Variants in MMP16 observed in about 807,000 individuals in gnomAD.
MMP16 encodes the protein matrix metalloproteinase-16.
Under a neutral mutation model 67.8 loss-of-function variants are expected in MMP16, and 12 were observed. That is an observed-to-expected ratio of 0.18 (90% confidence interval 0.11 to 0.29). MMP16 has a LOEUF of 0.29. Among genes scored for constraint, MMP16 ranks in the 10% least tolerant of loss-of-function variants. The probability of loss-of-function intolerance (pLI) is 1.00; values close to 1 mark genes in which losing one functional copy is unlikely to be tolerated. For synonymous variants in MMP16, 249 were observed against 255.9 expected (o/e 0.97, Z 0.26); for missense variants, 475 against 765.7 (o/e 0.62, Z 4.48).
rs1158543097 is a variant in MMP16 at position 88,034,681 on chromosome 8, A to C, written c.*6780T>G. The C allele has an allele frequency of 1.3e-5, 2 of 152,016 alleles. No individual in the cohort carries two copies. The highest frequency in any genetic ancestry group is 1.3e-4 in the Admixed American group (2 of 15,216). The allele number at this position is 152,016 out of a possible 1,614,324, so 9.4% of individuals were successfully genotyped here. The stretch of plus-strand genomic sequence containing the variant: ...AAAATCATTCATTCAAGCAAAGTAT[A>C]TTTTATCTTAACAATTGGATTGTTA... On this transcript the variant is annotated 3_prime_UTR_variant, in exon 10 of 10. Coordinates refer to ENST00000286614, the MANE Select transcript of MMP16 (RefSeq NM_005941.5).
rs557315322 is a variant in MMP16, at chr8:88,037,371, CA to C, written c.*4089del. 4 of 151,296 alleles carry C rather than the reference CA, an allele frequency of 2.6e-5. No homozygotes were observed. The highest frequency in any genetic ancestry group is 9.7e-5 in the African/African-American group (4 of 41,220). 9.4% of individuals were successfully genotyped at this position (151,296 alleles called of 1,614,324 possible). ...AAGGTAACACTTGCTTATGTGTTAA[CA>C]AAAAAAGATTATAGGTAATTATTAA... On this transcript the variant is annotated 3_prime_UTR_variant, in exon 10 of 10. Coordinates refer to ENST00000286614, the MANE Select transcript of MMP16 (RefSeq NM_005941.5).
chr8:88,181,871 T>C (rs1808986307), intron 3 of MMP16, among the ~76,000 whole-genome samples: 1 of 151,906 alleles, frequency 6.6e-6, no homozygotes, highest in Admixed American at 6.6e-5. Flanking sequence ...TCACCACAAA[T>C]AGAGTCAACT....
At chr8:88,307,227 C>T (rs1309498214) in intron 1 of MMP16, among the ~76,000 whole-genome samples, 1 of 152,148 alleles carries the variant, frequency 6.6e-6, no homozygotes, top group East Asian at 1.9e-4. Context: ...CTCTGAACTA[C>T]ATTAGCAATT....
At position 88,035,040 on chromosome 8, in the gene MMP16, G is replaced by A. The variant is rs1808036607; in HGVS notation, c.*6421C>T. On this transcript the variant is annotated 3_prime_UTR_variant, in exon 10 of 10. Transcript: ENST00000286614. This position sits in a 1 kb window ranked among gnomAD's most constrained non-coding sequence, Gnocchi z 4.7. ...CTACAGAAATGTCTGTATTGTGACT[G>A]ATATTTTTTTCATGTATAAAAACAA... 6.6e-6 allele frequency: 1 copy of A among 151,930 alleles called. No individual in the cohort carries two copies. The highest frequency in any genetic ancestry group is 2.1e-4 in the South Asian group (1 of 4,830). 9.4% of individuals were successfully genotyped at this position (151,930 alleles called of 1,614,324 possible). A position where few individuals can be genotyped will look rare whatever the true frequency, so the allele number is the denominator to read the frequency against.
At chr8:88,080,715 C>T (rs1454340646) in intron 6 of MMP16, among the ~76,000 whole-genome samples, 3 of 152,066 alleles carry the variant, frequency 2.0e-5, no homozygotes, top group African/African-American at 4.8e-5. Flanking sequence ...GGATTATAGG[C>T]GTGAGCCACC....
intron 4 of MMP16, among the ~76,000 whole-genome samples, chr8:88,135,880 G>T (rs1012784509): frequency 3.3e-5 from 5 of 151,614 alleles, no homozygotes; most frequent in African/African-American, 1.2e-4. Flanking sequence ...TTTGGGTTTG[G>T]AACTCTCGAA....
chr8:88,059,330 T>C (rs1808368074), intron 7 of MMP16, among the ~76,000 whole-genome samples: 2 of 151,936 alleles, frequency 1.3e-5, no homozygotes, highest in African/African-American at 4.8e-5. Flanking sequence ...AGAGGCAGTG[T>C]TAAAGACAAA....
At chr8:88,237,642 C>A (rs1427977075) in intron 1 of MMP16, among the ~76,000 whole-genome samples, 8 of 147,760 alleles carry the variant, frequency 5.4e-5, no homozygotes. Flanking sequence ...GAGTGAGACT[C>A]CGATTCAAAA....
chr8:88,247,134 A>G (rs1305029225), intron 1 of MMP16, among the ~76,000 whole-genome samples: 2 of 152,154 alleles, frequency 1.3e-5, no homozygotes, highest in Non-Finnish European at 2.9e-5. Flanking sequence ...CATTCAGGGT[A>G]GGGGCACGGT....
chr8:88,105,165 T>C (rs368877898), intron 6 of MMP16, among the ~76,000 whole-genome samples: 1 of 132,388 alleles, frequency 7.6e-6, no homozygotes, highest in Admixed American at 7.6e-5. Context: ...TTTTTTTTTT[T>C]ACCTTAGCTA....
chr8:88,302,483 C>T (rs1435994516), intron 1 of MMP16, among the ~76,000 whole-genome samples: 3 of 152,194 alleles, frequency 2.0e-5, no homozygotes, highest in African/African-American at 7.2e-5. Context: ...TCCTTCTCCA[C>T]TGACATTTCA....
intron 6 of MMP16, among the ~76,000 whole-genome samples, chr8:88,090,017 C>T (rs116287388): frequency 0.023 from 3,479 of 152,004 alleles, 128 homozygotes; most frequent in African/African-American, 0.079. Context: ...GTAATTTTCC[C>T]TGTATTCCTT....
rs142058209 is a variant in MMP16 at position 88,325,954 on chromosome 8, G to A, written c.132+1121C>T. Among the ~76,000 whole-genome samples the A allele has an allele frequency of 3.2e-3, 484 of 152,190 alleles. 1 individual carries two copies. The highest frequency in any genetic ancestry group is 5.3e-3 in the Non-Finnish European group (358 of 68,008). ...TCTGTGTATCAATTGGTTACATGAA[G>A]CATGTTCAAATACTGTGCAACAGGT... On this transcript the variant is annotated intron_variant, in intron 1 of 9. Coordinates refer to ENST00000286614, the MANE Select transcript of MMP16 (RefSeq NM_005941.5).
chr8:88,069,178 C>A, intron 7 of MMP16: 3 of 266,866 alleles, frequency 1.1e-5, no homozygotes, highest in Non-Finnish European at 1.5e-5. Context: ...TAATACTGAA[C>A]CCTCTGACCC....
intron 7 of MMP16, among the ~76,000 whole-genome samples, chr8:88,060,838 C>G (rs866207046): frequency 1.3e-5 from 2 of 151,860 alleles, no homozygotes; most frequent in African/African-American, 2.4e-5. Context: ...GTTACTGATG[C>G]AAAGAACCAT....
intron 1 of MMP16, among the ~76,000 whole-genome samples, chr8:88,226,876 GTATTTATT>G (rs33911567): frequency 0.016 from 2,339 of 148,324 alleles, 26 homozygotes; most frequent in Middle Eastern, 0.076. Flanking sequence ...CAGCCTACAC[GTATTTATT>G]TATTTATTTA....
At chr8:88,067,647 A>G (rs1808480696) in intron 7 of MMP16, among the ~76,000 whole-genome samples, 1 of 152,160 alleles carries the variant, frequency 6.6e-6, no homozygotes, top group South Asian at 2.1e-4. Context: ...ATTTTCTAAA[A>G]TTTAATACAA....
At chr8:88,264,354 C>A (rs919198306) in intron 1 of MMP16, among the ~76,000 whole-genome samples, 5 of 152,088 alleles carry the variant, frequency 3.3e-5, no homozygotes, top group African/African-American at 1.2e-4. Context: ...CATGCATCAC[C>A]ACACCCGGCT....
At chr8:88,274,637 C>T (rs998434822) in intron 1 of MMP16, among the ~76,000 whole-genome samples, 13 of 151,954 alleles carry the variant, frequency 8.6e-5, no homozygotes, top group African/African-American at 3.1e-4. Context: ...CCAACAAATG[C>T]ACTGCCCAAT....
Sources: allele counts gnomAD v4.1 joint callset (sites outside exome capture counted in the v4.1 genomes callset), GRCh38; gene constraint gnomAD v4.1.1; non-coding constraint Gnocchi (gnomAD v3.1); transcripts MANE v1.5; gene names NCBI Gene and HGNC (gene_info 2026-07-23, HGNC 2026-07-21).